Variants in STARD13 observed in about 807,000 individuals in gnomAD.
STARD13 encodes stAR-related lipid transfer protein 13.
In STARD13, 62 loss-of-function variants were observed where a neutral mutation model predicts 106.4. The ratio of observed to expected loss-of-function variants is 0.58; its 90% CI spans 0.48 to 0.72. The LOEUF is 0.72. Ranked by LOEUF, STARD13 falls within the 30% of genes least tolerant of loss-of-function variation. STARD13 has a pLI of 0.00. For synonymous variants in STARD13, 565 were observed against 553.0 expected, an observed-to-expected ratio of 1.02 and a Z score of -0.31; for missense variants, 1,387 against 1,424.0, an observed-to-expected ratio of 0.97 and a Z score of 0.42.
At chr13:33,204,803 C>T (rs1047931319) in intron 1 of STARD13, among the ~76,000 whole-genome samples, 1 of 152,252 alleles carries the variant, frequency 6.6e-6, no homozygotes, top group African/African-American at 2.4e-5. Flanking sequence ...CATTTTCCCA[C>T]ACATGCTCCA....
chr13:33,358,017 C>T, the STARD13 span, among the ~76,000 whole-genome samples: 2 of 152,222 alleles, frequency 1.3e-5, no homozygotes, highest in African/African-American at 4.8e-5. Flanking sequence ...GCGTGCGGCG[C>T]TTGCGGGCCA....
At chr13:33,443,499 C>T in the STARD13 span, among the ~76,000 whole-genome samples, 6 of 151,936 alleles carry the variant, frequency 3.9e-5, no homozygotes, top group South Asian at 2.1e-4. Flanking sequence ...ATTGCAACCC[C>T]GTATATTGAA....
chr13:33,570,684 C>T, the STARD13 span, among the ~76,000 whole-genome samples: 45 of 121,660 alleles, frequency 3.7e-4, 5 homozygotes, highest in African/African-American at 1.1e-3. Context: ...TTGCTCATTT[C>T]GGAAGAAAGC....
chr13:33,296,289 TG>T (rs1378249027), intron 1 of STARD13, among the ~76,000 whole-genome samples: 1 of 151,986 alleles, frequency 6.6e-6, no homozygotes, highest in Non-Finnish European at 1.5e-5. Flanking sequence ...TGGTGATGCG[TG>T]TGTTAATTCC....
chr13:33,167,680 CCTT>C, intron 1 of STARD13, 58 bp from the exon 2 acceptor site: 1 of 1,518,730 alleles, frequency 6.6e-7, no homozygotes, highest in African/African-American at 1.4e-5. Flanking sequence ...TAGTACTCTG[CCTT>C]CTTAATCATG....
intron 1 of STARD13, among the ~76,000 whole-genome samples, chr13:33,326,006 AG>A (rs1414296540): frequency 2.0e-5 from 3 of 149,742 alleles, no homozygotes; most frequent in Non-Finnish European, 4.5e-5. Context: ...AAAAAAAAAA[AG>A]AGCAGAAAAG....
chr13:33,246,296 A>G (rs1889819839), intron 1 of STARD13, among the ~76,000 whole-genome samples: 2 of 152,198 alleles, frequency 1.3e-5, no homozygotes, highest in Non-Finnish European at 2.9e-5. Flanking sequence ...GGAAAGCACT[A>G]CCATCAAGTC....
the STARD13 span, among the ~76,000 whole-genome samples, chr13:33,530,348 T>A: frequency 6.6e-6 from 1 of 152,268 alleles, no homozygotes; most frequent in African/African-American, 2.4e-5. Flanking sequence ...TAAGTAACCA[T>A]TATTCTGGCT....
the STARD13 span, among the ~76,000 whole-genome samples, chr13:33,609,004 T>C: frequency 4.9e-5 from 7 of 142,910 alleles, no homozygotes; most frequent in African/African-American, 1.9e-4. Context: ...GAGAATGGCG[T>C]GAACCCGGGA....
At chr13:33,157,287 C>T (rs923635827) in intron 3 of STARD13, among the ~76,000 whole-genome samples, 5 of 152,036 alleles carry the variant, frequency 3.3e-5, no homozygotes, top group Non-Finnish European at 5.9e-5. Context: ...AAGGTGAATG[C>T]CCTTGTTTTG....
chr13:33,655,596 T>A, the STARD13 span, among the ~76,000 whole-genome samples: 1 of 152,194 alleles, frequency 6.6e-6, no homozygotes, highest in Non-Finnish European at 1.5e-5. Context: ...CGGAGACACT[T>A]TATGTCACCT....
At chr13:33,175,405 T>C (rs914434227) in intron 1 of STARD13, among the ~76,000 whole-genome samples, 17 of 152,170 alleles carry the variant, frequency 1.1e-4, no homozygotes, top group African/African-American at 3.9e-4. Context: ...GCATCATAAT[T>C]TGCAAGCATT....
intron 1 of STARD13, among the ~76,000 whole-genome samples, chr13:33,206,853 A>C (rs1219653101): frequency 6.6e-6 from 1 of 152,190 alleles, no homozygotes; most frequent in African/African-American, 2.4e-5. Flanking sequence ...TCCTAAACTA[A>C]GGCTATATGT....
chr13:33,126,223 A>G lies in STARD13; in HGVS notation c.1940T>C (p.Met647Thr), dbSNP rs537868889. 25 of 1,614,162 alleles carry G rather than the reference A, an allele frequency of 1.5e-5. No individual in the cohort carries two copies. The African/African-American group carries it at 2.5e-4, about 16-fold the overall frequency. ...HGWTWSVPKF[M>T]KRMKVPDYKD... ...GTAGTCGGGAACTTTCATCCTCTTC[A>G]TGAACTTTGGAACTGACCTAGAATT... The change falls in exon 7 of 14, where the codon ATG (methionine) becomes ACG (threonine). Residue 647 changes from methionine (M) to threonine (T), a missense_variant. Met to Thr is a moderately conservative substitution (Grantham distance 81). Transcript: ENST00000336934.
At chr13:33,177,990 GAAGGAAGGAAGGAAGGAAGGA>G (rs1566053052) in intron 1 of STARD13, among the ~76,000 whole-genome samples, 1,468 of 30,998 alleles carry the variant, frequency 0.047, 431 homozygotes, top group South Asian at 0.11. Context: ...GGAAGGAAAG[GAAGGAAGGAAGGAAGGAAGGA>G]AAGGAAGGAA....
chr13:33,638,589 G>A, the STARD13 span, among the ~76,000 whole-genome samples: 1 of 152,182 alleles, frequency 6.6e-6, no homozygotes, highest in African/African-American at 2.4e-5. Flanking sequence ...CCAGGTAGCA[G>A]GCTTCAGAGA....
At chr13:33,370,552 G>A in the STARD13 span, among the ~76,000 whole-genome samples, 1 of 150,404 alleles carries the variant, frequency 6.6e-6, no homozygotes, top group Admixed American at 6.6e-5. Context: ...AAACAAAATT[G>A]TATTTTCTGA....
the STARD13 span, among the ~76,000 whole-genome samples, chr13:33,657,186 T>C: frequency 2.6e-5 from 4 of 152,130 alleles, no homozygotes; most frequent in East Asian, 5.8e-4. Flanking sequence ...AGGAGAATGG[T>C]GTGAACCCGG....
chr13:33,672,355 G>T, the STARD13 span, among the ~76,000 whole-genome samples: 1 of 152,030 alleles, frequency 6.6e-6, no homozygotes, highest in African/African-American at 2.4e-5. Context: ...TCACACACTG[G>T]GGCCTGTCAC....
Sources: allele counts gnomAD v4.1 joint callset (sites outside exome capture counted in the v4.1 genomes callset), GRCh38; gene constraint gnomAD v4.1.1; transcripts MANE v1.5; gene names NCBI Gene and HGNC (gene_info 2026-07-23, HGNC 2026-07-21).